PRKAG2: variants seen among roughly 807,000 people sequenced by gnomAD.
The protein encoded by PRKAG2 is protein kinase AMP-activated non-catalytic subunit gamma 2.
A neutral mutation model predicts 69.6 loss-of-function variants in PRKAG2; 26 were observed. That is an observed-to-expected ratio of 0.37 (90% CI 0.27 to 0.52). PRKAG2 has a LOEUF of 0.52. PRKAG2 is among the 20% of genes least tolerant of loss of function. The pLI is 0.90. For missense variants in PRKAG2, 557 were observed against 740.0 expected, an observed-to-expected ratio of 0.75 and a Z score of 2.87; for synonymous variants, 293 against 285.0, an observed-to-expected ratio of 1.03 and a Z score of -0.28.
At chr7:151,757,842 C>G (rs965467885) in intron 3 of PRKAG2, among the ~76,000 whole-genome samples, 3 of 152,194 alleles carry the variant, frequency 2.0e-5, no homozygotes, top group African/African-American at 7.2e-5. Context: ...AATAAAGTAC[C>G]TAGTCAGGGT....
At position 151,645,046 on chromosome 7, in the gene PRKAG2, T is replaced by C. The variant is rs1827333971; in HGVS notation, c.685-12908A>G. Among the ~76,000 whole-genome samples the C allele has an allele frequency of 2.0e-5, 3 of 152,186 alleles. No homozygotes were observed. In the South Asian group the frequency reaches 6.2e-4, roughly 32 times the overall value. On this transcript the variant is annotated intron_variant, in intron 4 of 15. Coordinates refer to ENST00000287878, the MANE Select transcript of PRKAG2 (RefSeq NM_016203.4). ...TTGTTCTTATTGAGTTGTATGAATA[T>C]GGCAAGCAGACTCTGAGATGGCCCC...
At chr7:151,692,888 G>A (rs903022921) in intron 3 of PRKAG2, among the ~76,000 whole-genome samples, 2 of 152,152 alleles carry the variant, frequency 1.3e-5, no homozygotes, top group African/African-American at 4.8e-5. Context: ...GGAGTGCGAG[G>A]GGGAAGGAGC....
rs192290910 is a variant in PRKAG2 at position 151,813,061 on chromosome 7, G to A, written c.115-26520C>T. On this transcript the variant is annotated intron_variant, in intron 1 of 15. Transcript: ENST00000287878. ...TAAGAGGCCCACAGTGAGGCCCCTC[G>A]GGTGAGTCGGAGCCTGCCCAGGGTG... Among the ~76,000 whole-genome samples, 11 of 152,172 alleles carry A rather than the reference G, an allele frequency of 7.2e-5. No individual in the cohort carries two copies. The East Asian group carries it at 7.7e-4, about 11-fold the overall frequency.
At position 151,557,100 on chromosome 7, in the gene PRKAG2, G is replaced by C; in HGVS notation, c.*101C>G. 6.4e-7 allele frequency: 1 copy of C among 1,553,782 alleles called. No homozygotes were observed. The highest frequency in any genetic ancestry group is 8.9e-7 in the Non-Finnish European group (1 of 1,125,536). ...GAAGAAATACCTATTGTTAAACCCT[G>C]ATATACATTCTTAACCACTTGCAGC... On this transcript the variant is annotated 3_prime_UTR_variant, in exon 16 of 16. Transcript: ENST00000287878.
chr7:151,739,972 T>C (rs1447252447), intron 3 of PRKAG2, among the ~76,000 whole-genome samples: 2 of 152,164 alleles, frequency 1.3e-5, no homozygotes, highest in East Asian at 1.9e-4. Flanking sequence ...TCTTCTATTC[T>C]ATATGTGAAT....
intron 1 of PRKAG2, among the ~76,000 whole-genome samples, chr7:151,794,408 T>A (rs373194316): frequency 3.3e-5 from 5 of 152,202 alleles, no homozygotes; most frequent in Non-Finnish European, 5.9e-5. Context: ...CTTTCCAGTG[T>A]GTAAAAGGAG....
intron 15 of PRKAG2, chr7:151,558,116 C>T (rs1243853596): frequency 5.1e-6 from 5 of 985,262 alleles, no homozygotes; most frequent in South Asian, 9.4e-5. Flanking sequence ...AGACTGCCCA[C>T]ACACTGGATG....
chr7:151,773,015 AAGAAAGAAAGAGAG>A (rs1334885080), intron 3 of PRKAG2, among the ~76,000 whole-genome samples: 5 of 18,924 alleles, frequency 2.6e-4, no homozygotes, highest in African/African-American at 1.8e-3. Flanking sequence ...GAAAGAAAGA[AAGAAAGAAAGAGAG>A]AGAGAGAGAG....
intron 4 of PRKAG2, among the ~76,000 whole-genome samples, chr7:151,643,977 AG>A (rs2151376586): frequency 6.6e-6 from 1 of 152,356 alleles, no homozygotes; most frequent in South Asian, 2.1e-4. Flanking sequence ...GAAGTAATTC[AG>A]GAATGGAAAA....
intron 3 of PRKAG2, among the ~76,000 whole-genome samples, chr7:151,708,768 G>A (rs939150554): frequency 7.2e-5 from 11 of 152,210 alleles, no homozygotes; most frequent in East Asian, 1.9e-4. Context: ...TGCAGTGGCC[G>A]GCAGCTGCCT....
intron 4 of PRKAG2, among the ~76,000 whole-genome samples, chr7:151,666,164 A>G (rs926230783): frequency 6.6e-6 from 1 of 152,256 alleles, no homozygotes; most frequent in South Asian, 2.1e-4. Flanking sequence ...ATAATTTATT[A>G]TCTGTTATGG....
intron 3 of PRKAG2, among the ~76,000 whole-genome samples, chr7:151,763,937 C>A (rs193283051): frequency 2.7e-4 from 41 of 152,366 alleles, no homozygotes; most frequent in Admixed American, 6.5e-4. Context: ...GAACATGCAG[C>A]CTCACTGCTT....
At chr7:151,747,437 A>G (rs1248667949) in intron 3 of PRKAG2, among the ~76,000 whole-genome samples, 1 of 152,090 alleles carries the variant, frequency 6.6e-6, no homozygotes, top group Non-Finnish European at 1.5e-5. Flanking sequence ...GGCGCCTGTA[A>G]TCCCAGTTAC....
chr7:151,698,166 G>T, intron 3 of PRKAG2, among the ~76,000 whole-genome samples: 1 of 152,148 alleles, frequency 6.6e-6, no homozygotes, highest in South Asian at 2.1e-4. Flanking sequence ...GCTCCCTCGG[G>T]AGGAGCGCCG....
At chr7:151,718,285 G>GA (rs1332496390) in intron 3 of PRKAG2, among the ~76,000 whole-genome samples, 2 of 151,792 alleles carry the variant, frequency 1.3e-5, no homozygotes, top group Non-Finnish European at 2.9e-5. Flanking sequence ...TGGAGGGGGG[G>GA]GTAGAGCTCT....
Position 151,614,499 on chromosome 7 carries a change from C to T in PRKAG2, c.754+17570G>A, listed in dbSNP as rs554759838. 6.6e-6 allele frequency among the ~76,000 whole-genome samples: 1 copy of T among 152,254 alleles called. No individual in the cohort carries two copies. The highest frequency in any genetic ancestry group is 6.5e-5 in the Admixed American group (1 of 15,284). ...GAAAAGAGGCAGAGCAGTCAGTGGA[C>T]GTCTCTGAGACCCTGCTCCCTCCAT... is the stretch of plus-strand genomic sequence containing the variant. On this transcript the variant is annotated intron_variant, in intron 5 of 15. Coordinates refer to ENST00000287878, the MANE Select transcript of PRKAG2 (RefSeq NM_016203.4). This position sits in a 1 kb window ranked among gnomAD's most constrained non-coding sequence, Gnocchi z 4.4.
At chr7:151,759,405 C>A (rs553085627) in intron 3 of PRKAG2, among the ~76,000 whole-genome samples, 1 of 152,208 alleles carries the variant, frequency 6.6e-6, no homozygotes, top group East Asian at 1.9e-4. Context: ...CCTGTGGTAC[C>A]GATTGTCCCT....
At chr7:151,562,053 T>C (rs147301796) in intron 14 of PRKAG2, among the ~76,000 whole-genome samples, 1,886 of 151,566 alleles carry the variant, frequency 0.012, 39 homozygotes, top group African/African-American at 0.043. Flanking sequence ...GAGACCAGCC[T>C]GACCAACATG....
In PRKAG2 at chr7:151,818,725, C is replaced by T. The variant is rs76331622; in HGVS notation, c.115-32184G>A. On this transcript the variant is annotated intron_variant, in intron 1 of 15. Coordinates refer to ENST00000287878, the MANE Select transcript of PRKAG2 (RefSeq NM_016203.4). ...GAGGGAACCCCCTGGGCTCAAGGCC[C>T]AGCCTCATTGACCACACTTTTATTT... 4.1e-3 allele frequency among the ~76,000 whole-genome samples: 625 copies of T among 152,380 alleles called. 5 individuals are homozygous for T. Among genetic ancestry groups the T allele is most frequent in the African/African-American group, 0.014 (603 of 41,590 alleles).
Sources: allele counts gnomAD v4.1 joint callset (sites outside exome capture counted in the v4.1 genomes callset), GRCh38; gene constraint gnomAD v4.1.1; non-coding constraint Gnocchi (gnomAD v3.1); transcripts MANE v1.5; gene names NCBI Gene and HGNC (gene_info 2026-07-23, HGNC 2026-07-21).